Variants in MROH9 observed in about 807,000 individuals in gnomAD.
MROH9 encodes maestro heat like repeat family member 9.
In MROH9, 92 loss-of-function variants were observed where a neutral mutation model predicts 98.2. The observed-to-expected ratio is 0.94, with a 90% CI of 0.79 to 1.11. The LOEUF (loss-of-function observed/expected upper bound fraction) is 1.11, where lower values mean the gene tolerates loss of function less well. MROH9 is among the 50% of genes most tolerant of loss of function. The pLI is 0.00. For missense variants in MROH9, 1,057 were observed against 1,014.8 expected (o/e 1.04, Z -0.57); for synonymous variants, 397 against 368.9 (o/e 1.08, Z -0.87).
chr1:170,952,505 A>C (rs1649592483), intron 3 of MROH9, among the ~76,000 whole-genome samples: 1 of 151,432 alleles, frequency 6.6e-6, no homozygotes, highest in Admixed American at 6.6e-5. Flanking sequence ...CAAGGACAAA[A>C]AACCAAACAC....
At chr1:171,014,363 A>G (rs755681277) in intron 16 of MROH9, 109 bp downstream of exon 16, 54 of 1,041,110 alleles carry the variant, frequency 5.2e-5, no homozygotes, top group Admixed American at 3.0e-4. Context: ...CAGTCTCTAT[A>G]TAACTAAAAC....
In MROH9 at chr1:171,040,032, T is replaced by G. The variant is rs527603885; in HGVS notation, c.2281+14612T>G. ...CCTTTGAGACAACATAGATGGTCCC[T>G]CCTGAAAAAAGGGGAAAACAAGAGA... On this transcript the variant is annotated intron_variant, in intron 20 of 21. Transcript: ENST00000367759. Among the ~76,000 whole-genome samples, 3 of 152,046 alleles carry G rather than the reference T, an allele frequency of 2.0e-5. No homozygotes were observed. The South Asian group carries it at 6.2e-4, about 32-fold the overall frequency.
chr1:171,012,001 T>C (rs893830565), intron 15 of MROH9, among the ~76,000 whole-genome samples: 12 of 151,246 alleles, frequency 7.9e-5, no homozygotes, highest in Non-Finnish European at 1.3e-4. Flanking sequence ...ATAAATAATT[T>C]ATGTTAACAT....
rs181982769 is a variant in MROH9 at position 170,969,877 on chromosome 1, T to C, written c.481-1871T>C. On this transcript the variant is annotated intron_variant, in intron 7 of 21. Transcript: ENST00000367759. Reference sequence around the variant, plus strand: ...CATACCGAAAGCTCTCAAAGTCTCATCTTAGAGGAGGGGTAACTGTGGTTG... The same window carrying C: ...CATACCGAAAGCTCTCAAAGTCTCACCTTAGAGGAGGGGTAACTGTGGTTG... 2.1e-4 allele frequency among the ~76,000 whole-genome samples: 32 copies of C among 152,272 alleles called. No homozygotes were observed. In the East Asian group the frequency reaches 4.2e-3, roughly 20 times the overall value.
rs770775310 is a variant in MROH9 at position 170,945,601 on chromosome 1, T to A, written c.25+20T>A. 8.1e-6 allele frequency: 13 copies of A among 1,608,112 alleles called. No homozygotes were observed. Reference sequence around the variant, plus strand: ...AAACAAGTAAGGCTTTAGGACACAATAGAGATGGGAGAAGGTATTTTTGTG... The same window carrying A: ...AAACAAGTAAGGCTTTAGGACACAAAAGAGATGGGAGAAGGTATTTTTGTG... On this transcript the variant is annotated intron_variant, in intron 2 of 21. Coordinates refer to ENST00000367759, the MANE Select transcript of MROH9 (RefSeq NM_001163629.2).
At chr1:171,050,391 C>T (rs575022959) in intron 20 of MROH9, among the ~76,000 whole-genome samples, 1 of 152,106 alleles carries the variant, frequency 6.6e-6, no homozygotes, top group East Asian at 1.9e-4. Context: ...AGAGATCTTT[C>T]ACCTCCTTGG....
intron 9 of MROH9, among the ~76,000 whole-genome samples, chr1:170,985,608 T>C (rs138510677): frequency 6.1e-4 from 93 of 152,340 alleles, no homozygotes; most frequent in African/African-American, 2.0e-3. Context: ...AAATTTCTTG[T>C]TGAGTAAGCA....
At chr1:171,029,296 C>T (rs1461035049) in intron 20 of MROH9, among the ~76,000 whole-genome samples, 7 of 151,964 alleles carry the variant, frequency 4.6e-5, no homozygotes, top group Non-Finnish European at 7.4e-5. Context: ...CTGCAACCTC[C>T]GCCTCCCAGG....
At chr1:171,008,628 C>T (rs1227471593) in intron 15 of MROH9, among the ~76,000 whole-genome samples, 2 of 152,234 alleles carry the variant, frequency 1.3e-5, no homozygotes, top group East Asian at 3.8e-4. Flanking sequence ...AGAAGCCACA[C>T]ACCTGTAGTC....
intron 3 of MROH9, among the ~76,000 whole-genome samples, chr1:170,952,053 C>T (rs1431217738): frequency 1.3e-5 from 2 of 151,876 alleles, no homozygotes; most frequent in African/African-American, 4.8e-5. Flanking sequence ...TAATGAGATA[C>T]CATCTCACAC....
At chr1:170,987,610 T>A (rs1479143382) in intron 10 of MROH9, among the ~76,000 whole-genome samples, 1 of 152,198 alleles carries the variant, frequency 6.6e-6, no homozygotes, top group South Asian at 2.1e-4. Context: ...ATACATATAT[T>A]GTGCAATGCC....
chr1:170,965,588 T>G (rs1250588059), intron 7 of MROH9, among the ~76,000 whole-genome samples: 2 of 152,146 alleles, frequency 1.3e-5, no homozygotes, highest in Non-Finnish European at 2.9e-5. Flanking sequence ...TCTTATGTAT[T>G]ACTTCCTAAA....
chr1:171,015,268 A>G (rs977387644), intron 16 of MROH9: 2 of 313,496 alleles, frequency 6.4e-6, no homozygotes, highest in East Asian at 1.8e-4. Context: ...AGTGGTGTAC[A>G]TTATCTTAGT....
rs746020911 is a variant in MROH9, at chr1:170,992,230, A to G, written c.1095A>G (p.Thr365=). The G allele has an allele frequency of 8.1e-6, 13 of 1,613,486 alleles. No homozygotes were observed. The highest frequency in any genetic ancestry group is 1.1e-5 in the Non-Finnish European group (13 of 1,179,704). ...QASVAPHVLK[T]ILLILKGKPG... is the part of the protein sequence containing the mutation. Reference sequence around the variant, plus strand: ...GCGTGGCCCCTCACGTGCTGAAGACAATCTTATTGATACTGAAAGGAAAGC... The same window carrying G: ...GCGTGGCCCCTCACGTGCTGAAGACGATCTTATTGATACTGAAAGGAAAGC... Residue 365 remains threonine, a synonymous_variant, in exon 12 of 22, where the codon ACA becomes ACG. Coordinates refer to ENST00000367759, the MANE Select transcript of MROH9 (RefSeq NM_001163629.2).
At chr1:170,937,725 G>A (rs189624492) in intron 1 of MROH9, among the ~76,000 whole-genome samples, 2,554 of 151,592 alleles carry the variant, frequency 0.017, 37 homozygotes, top group South Asian at 0.046. Context: ...GGGTTTCACC[G>A]TTTTAGCCGG....
chr1:171,014,454 G>C (rs138365442), intron 16 of MROH9, among the ~76,000 whole-genome samples, 200 bp downstream of exon 16: 1 of 148,556 alleles, frequency 6.7e-6, no homozygotes, highest in African/African-American at 2.6e-5. Context: ...TGGCTTTATC[G>C]CCTTACTTTT....
At chr1:171,036,946 C>A (rs1653118747) in intron 20 of MROH9, among the ~76,000 whole-genome samples, 1 of 151,112 alleles carries the variant, frequency 6.6e-6, no homozygotes. Flanking sequence ...AGGAAATGGT[C>A]AACATAAAAT....
At chr1:170,998,390 T>C in intron 15 of MROH9, 116 bp downstream of exon 15, 3 of 1,609,780 alleles carry the variant, frequency 1.9e-6, no homozygotes, top group Non-Finnish European at 2.5e-6. Flanking sequence ...TACCAAGACT[T>C]AAGATCATGA....
chr1:171,001,504 C>T (rs999880593), intron 15 of MROH9, among the ~76,000 whole-genome samples: 1 of 151,902 alleles, frequency 6.6e-6, no homozygotes, highest in African/African-American at 2.4e-5. Context: ...CGTTTTTGAC[C>T]CAATGCTCAT....
Sources: gnomAD v4.1 joint callset for allele counts (sites outside exome capture counted in the v4.1 genomes callset) on GRCh38, gnomAD v4.1.1 for gene constraint, MANE v1.5 for transcripts, NCBI Gene and HGNC (gene_info 2026-07-23, HGNC 2026-07-21) for gene names.